The following BCL10 variants were observed in gnomAD, a reference collection of about 807,000 sequenced individuals.
The protein encoded by BCL10 is BCL10 immune signaling adaptor, also known as B-cell lymphoma/leukemia 10.
In BCL10, 5 loss-of-function variants were observed where a neutral mutation model predicts 19.2. The observed-to-expected ratio is 0.26, with a 90% CI of 0.14 to 0.55. The LOEUF (loss-of-function observed/expected upper bound fraction) is 0.55, where lower values mean the gene tolerates loss of function less well. Ranked by LOEUF, BCL10 falls within the 20% of genes least tolerant of loss-of-function variation. BCL10 has a pLI of 0.94. For missense variants in BCL10, 201 were observed against 271.9 expected, an observed-to-expected ratio of 0.74 and a Z score of 1.83; for synonymous variants, 110 against 98.8, an observed-to-expected ratio of 1.11 and a Z score of -0.67.
At chr1:85,274,654 A>G (rs1412522473) in intron 1 of BCL10, among the ~76,000 whole-genome samples, 1 of 152,238 alleles carries the variant, frequency 6.6e-6, no homozygotes, top group Non-Finnish European at 1.5e-5. Flanking sequence ...TGACAAGGTG[A>G]GCAATCTGTA....
At chr1:85,270,421 C>T (rs1276400064) in intron 2 of BCL10, among the ~76,000 whole-genome samples, 197 bp downstream of exon 2, 1 of 152,184 alleles carries the variant, frequency 6.6e-6, no homozygotes, top group African/African-American at 2.4e-5. Context: ...CACAGGTATG[C>T]ACCATCATGC....
chr1:85,269,055 C>T (rs2100745468), intron 2 of BCL10, among the ~76,000 whole-genome samples: 1 of 152,312 alleles, frequency 6.6e-6, no homozygotes, highest in Middle Eastern at 3.4e-3. Flanking sequence ...GGACTAATGC[C>T]ATTATCACGG....
At chr1:85,272,862 C>A (rs1046866319) in intron 1 of BCL10, among the ~76,000 whole-genome samples, 1 of 152,210 alleles carries the variant, frequency 6.6e-6, no homozygotes, top group African/African-American at 2.4e-5. Flanking sequence ...ACAGTAAGTA[C>A]TCAATAATAA....
chr1:85,274,816 A>C (rs1249152977), intron 1 of BCL10, among the ~76,000 whole-genome samples: 1 of 152,206 alleles, frequency 6.6e-6, no homozygotes, highest in Non-Finnish European at 1.5e-5. Context: ...AAGCATGCAC[A>C]TAGTTTCTTT....
Position 85,267,677 on chromosome 1 carries a change from A to C in BCL10, c.652T>G (p.Ser218Ala). The C allele has an allele frequency of 6.2e-7, 1 of 1,613,882 alleles. No individual in the cohort carries two copies. Residue 218 changes from serine (S) to alanine (A), a missense_variant, in exon 3 of 3, where the codon TCT (serine) becomes GCT (alanine). Transcript: ENST00000648566. ...CTTAAGGGAAGAAACATCTCACTAGAGTTTGCACAAGTTCCTTCTTCTTCT... is the reference window on the plus strand; with the variant it reads ...CTTAAGGGAAGAAACATCTCACTAGCGTTTGCACAAGTTCCTTCTTCTTCT... ...QLEEEGTCAN[S>A]SEMFLPLRSR... is the part of the protein sequence containing the mutation.
chr1:85,271,505 C>T (rs1037040907), intron 1 of BCL10, among the ~76,000 whole-genome samples: 12 of 151,268 alleles, frequency 7.9e-5, no homozygotes, highest in African/African-American at 2.4e-4. Flanking sequence ...AGGGAGTGTT[C>T]GAAAAATGAA....
At position 85,267,556 on chromosome 1, in the gene BCL10, G is replaced by T; in HGVS notation, c.*71C>A. On this transcript the variant is annotated 3_prime_UTR_variant, in exon 3 of 3. Coordinates refer to ENST00000648566, the MANE Select transcript of BCL10 (RefSeq NM_003921.5). The stretch of plus-strand genomic sequence containing the variant: ...CATCAAATGTAAACAAATGATTACA[G>T]CCATTTTATAAAAAGTCATATTCTT... 8.0e-7 allele frequency: 1 copy of T among 1,250,038 alleles called. No individual in the cohort carries two copies. The highest frequency in any genetic ancestry group is 1.1e-6 in the Non-Finnish European group (1 of 905,012). The allele number at this position is 1,250,038 out of a possible 1,614,324, so 77.4% of individuals were successfully genotyped here.
rs1409365362 is a variant in BCL10 at position 85,270,609 on chromosome 1, A to AT, written c.346+8dup. ...TTAAATTAGCTCTTAGATAATTAAG[A>AT]TATCTTACCTTTCAGATGTTCTAGT... On this transcript the variant is annotated intron_variant, in intron 2 of 2. Coordinates refer to ENST00000648566, the MANE Select transcript of BCL10 (RefSeq NM_003921.5). 4 of 1,586,086 alleles carry AT rather than the reference A, an allele frequency of 2.5e-6. No individual in the cohort carries two copies. In the African/African-American group the frequency reaches 4.1e-5, roughly 16 times the overall value.
Position 85,267,502 on chromosome 1 carries a change from T to C in BCL10, c.*125A>G, listed in dbSNP as rs1660231839. ...AATTCTAAAAATCCTATTTACAAAG[T>C]ATGCTTACATTGCATTTTAAAAGAC... On this transcript the variant is annotated 3_prime_UTR_variant, in exon 3 of 3. Transcript: ENST00000648566. 1 of 761,426 alleles carries C rather than the reference T, an allele frequency of 1.3e-6. No individual in the cohort carries two copies. The highest frequency in any genetic ancestry group is 2.1e-5 in the South Asian group (1 of 46,556). The allele number at this position is 761,426 out of a possible 1,614,324, so 47.2% of individuals were successfully genotyped here.
At position 85,267,560 on chromosome 1, in the gene BCL10, T is replaced by C; in HGVS notation, c.*67A>G. 7.6e-7 allele frequency: 1 copy of C among 1,321,286 alleles called. No homozygotes were observed. Among genetic ancestry groups the C allele is most frequent in the South Asian group, 1.5e-5 (1 of 66,776 alleles). The allele number at this position is 1,321,286 out of a possible 1,614,324, so 81.8% of individuals were successfully genotyped here. ...AAATGTAAACAAATGATTACAGCCA[T>C]TTTATAAAAAGTCATATTCTTTAAA... On this transcript the variant is annotated 3_prime_UTR_variant, in exon 3 of 3. Coordinates refer to ENST00000648566, the MANE Select transcript of BCL10 (RefSeq NM_003921.5).
rs1269735644 is a variant in BCL10 at position 85,266,892 on chromosome 1, A to AG, written c.*734_*735insC. ...AGACTGTCTCAAAAAAAAAAAAAAA[A>AG]AAAAAAGAAAAAAGGAAAAAATACC... is the stretch of plus-strand genomic sequence containing the variant. On this transcript the variant is annotated 3_prime_UTR_variant, in exon 3 of 3. Transcript: ENST00000648566. The AG allele has an allele frequency of 2.3e-5, 4 of 176,386 alleles. No homozygotes were observed. Among genetic ancestry groups the AG allele is most frequent in the Non-Finnish European group, 3.6e-5 (3 of 82,400 alleles). 10.9% of individuals were successfully genotyped at this position (176,386 alleles called of 1,614,324 possible).
chr1:85,276,429 G>T lies in BCL10; in HGVS notation c.-77C>A. The T allele has an allele frequency of 6.5e-7, 1 of 1,526,850 alleles. No individual in the cohort carries two copies. Among genetic ancestry groups the T allele is most frequent in the African/African-American group, 1.4e-5 (1 of 73,186 alleles). The allele number at this position is 1,526,850 out of a possible 1,614,324, so 94.6% of individuals were successfully genotyped here. On this transcript the variant is annotated 5_prime_UTR_variant, in exon 1 of 3. Coordinates refer to ENST00000648566, the MANE Select transcript of BCL10 (RefSeq NM_003921.5). ...CGCCCCGCCCTGGCTGGGGGCTTCGGCCTCCGGGTAATGGGGAAGAAGGAG... is the reference window on the plus strand; with the variant it reads ...CGCCCCGCCCTGGCTGGGGGCTTCGTCCTCCGGGTAATGGGGAAGAAGGAG...
chr1:85,272,968 CCTAAAA>C (rs2100750484), intron 1 of BCL10, among the ~76,000 whole-genome samples: 1 of 152,302 alleles, frequency 6.6e-6, no homozygotes, highest in South Asian at 2.1e-4. Flanking sequence ...TTATGCTCTA[CCTAAAA>C]CTATCTGTCT....
At chr1:85,275,204 T>C (rs895944384) in intron 1 of BCL10, among the ~76,000 whole-genome samples, 4 of 152,368 alleles carry the variant, frequency 2.6e-5, no homozygotes, top group Middle Eastern at 3.4e-3. Flanking sequence ...TTATTTATGT[T>C]CCATTCTTAT....
chr1:85,276,004 G>C (rs1023603305), intron 1 of BCL10, among the ~76,000 whole-genome samples: 3 of 152,222 alleles, frequency 2.0e-5, no homozygotes, highest in East Asian at 1.9e-4. Context: ...AACCCAGTTG[G>C]GGGGAAAGCA....
In BCL10 at chr1:85,267,973, C is replaced by A; in HGVS notation, c.356G>T (p.Cys119Phe). ...IKLEHLKGLK[C>F]SSCEPFPDGA... ...ATCTGGAAAAGGTTCACAACTGCTA[C>A]ATTTTAGTCCTACAATAAAATTATT... The change falls in exon 3 of 3, where the codon TGT becomes TTT. Residue 119 changes from cysteine to phenylalanine, a missense_variant. Coordinates refer to ENST00000648566, the MANE Select transcript of BCL10 (RefSeq NM_003921.5). The A allele has an allele frequency of 6.5e-7, 1 of 1,537,670 alleles. No homozygotes were observed. Among genetic ancestry groups the A allele is most frequent in the Non-Finnish European group, 8.8e-7 (1 of 1,142,600 alleles).
chr1:85,272,141 A>G (rs1660383422), intron 1 of BCL10, among the ~76,000 whole-genome samples: 1 of 152,212 alleles, frequency 6.6e-6, no homozygotes. Context: ...GGCATGGACT[A>G]TTAACAATAG....
intron 1 of BCL10, among the ~76,000 whole-genome samples, chr1:85,275,525 TGA>T (rs1660496332): frequency 1.3e-5 from 2 of 152,378 alleles, no homozygotes; most frequent in Admixed American, 1.3e-4. Context: ...CGTTTCATGT[TGA>T]GTTTCTGTTT....
In BCL10 at chr1:85,276,337, G is replaced by A; in HGVS notation, c.16C>T (p.Pro6Ser). ...GTGAGGTCCTCCTCGGTGAGGGACG[G>A]TGCGGTGGGCTCCATGGTGGAGGCG... Reference protein sequence around the residue: MEPTAPSLTEEDLTEV... With the variant: MEPTASSLTEEDLTEV... The change falls in exon 1 of 3, where the codon CCG (proline) becomes TCG (serine). Residue 6 changes from proline (P) to serine (S), a missense_variant. Around this residue, in one of 3 missense-constraint regions of BCL10, gnomAD observed 24 missense variants for 16.6 expected, o/e 1.45. Coordinates refer to ENST00000648566, the MANE Select transcript of BCL10 (RefSeq NM_003921.5). 4 of 1,613,646 alleles carry A rather than the reference G, an allele frequency of 2.5e-6. No individual in the cohort carries two copies. The highest frequency in any genetic ancestry group is 3.4e-6 in the Non-Finnish European group (4 of 1,179,680).
Sources: allele counts gnomAD v4.1 joint callset (sites outside exome capture counted in the v4.1 genomes callset), GRCh38; gene constraint gnomAD v4.1.1; regional missense constraint gnomAD v4.1.1; transcripts MANE v1.5; gene names NCBI Gene and HGNC (gene_info 2026-07-23, HGNC 2026-07-21).